BNC2: variants seen among roughly 807,000 people sequenced by gnomAD.
BNC2 encodes the protein basonuclin zinc finger protein 2.
In BNC2, 20 loss-of-function variants were observed where a neutral mutation model predicts 76.3. The ratio of observed to expected loss-of-function variants is 0.26; its 90% CI spans 0.18 to 0.38. BNC2 has a LOEUF of 0.38. Ranked by LOEUF, BNC2 falls within the 10% of genes least tolerant of loss-of-function variation. The pLI is 1.00. For synonymous variants in BNC2, 582 were observed against 514.8 expected (o/e 1.13, Z -1.77); for missense variants, 1,382 against 1,399.8 (o/e 0.99, Z 0.20).
intron 1 of BNC2, among the ~76,000 whole-genome samples, chr9:16,767,106 C>A (rs1825716008): frequency 6.6e-6 from 1 of 152,200 alleles, no homozygotes; most frequent in Admixed American, 6.5e-5. Flanking sequence ...AAAGGAGAAT[C>A]TAGGAAGATC....
At chr9:16,866,586 C>A (rs1001834969) in intron 1 of BNC2, among the ~76,000 whole-genome samples, 3 of 150,152 alleles carry the variant, frequency 2.0e-5, no homozygotes, top group Non-Finnish European at 4.4e-5. Context: ...TTCAAATCAC[C>A]TGAAAGGCAA....
At chr9:16,423,904 C>G (rs748944657) in intron 6 of BNC2, among the ~76,000 whole-genome samples, 6 of 152,082 alleles carry the variant, frequency 3.9e-5, no homozygotes, top group Admixed American at 6.5e-5. Context: ...CCCTTAAAAG[C>G]AAAAAGTTAC....
At chr9:16,468,042 T>C (rs1016232789) in intron 5 of BNC2, among the ~76,000 whole-genome samples, 35 of 129,096 alleles carry the variant, frequency 2.7e-4, no homozygotes, top group African/African-American at 9.4e-4. Context: ...TTCTTTCTCT[T>C]TTTTTTTTTT....
At chr9:16,797,740 G>A (rs530981450) in intron 1 of BNC2, among the ~76,000 whole-genome samples, 1 of 152,194 alleles carries the variant, frequency 6.6e-6, no homozygotes, top group Admixed American at 6.5e-5. Context: ...CTAGAAACCA[G>A]CAGACCTAAG....
chr9:16,631,870 A>C (rs1412573785), intron 3 of BNC2, among the ~76,000 whole-genome samples: 1 of 152,224 alleles, frequency 6.6e-6, no homozygotes, highest in Non-Finnish European at 1.5e-5. Flanking sequence ...AATGAAGCTT[A>C]AATACAAGTT....
chr9:16,479,227 G>C (rs938231664), intron 5 of BNC2, among the ~76,000 whole-genome samples: 53 of 148,786 alleles, frequency 3.6e-4, no homozygotes, highest in Non-Finnish European at 5.6e-4. Context: ...TCCAGCCTGG[G>C]CGACAGAACG....
intron 3 of BNC2, among the ~76,000 whole-genome samples, chr9:16,629,981 T>C (rs866090049): frequency 3.3e-5 from 5 of 152,216 alleles, no homozygotes; most frequent in African/African-American, 4.8e-5. Context: ...CTCTGTAGCA[T>C]TGATGCTTTG....
rs548393102 is a variant in BNC2 at position 16,413,477 on chromosome 9, G to C, written c.*5512C>G. 3 of 151,840 alleles carry C rather than the reference G, an allele frequency of 2.0e-5. No homozygotes were observed. The East Asian group carries it at 5.8e-4, about 29-fold the overall frequency. The allele number at this position is 151,840 out of a possible 1,614,324, so 9.4% of individuals were successfully genotyped here. On this transcript the variant is annotated 3_prime_UTR_variant, in exon 7 of 7. Coordinates refer to ENST00000380672, the MANE Select transcript of BNC2 (RefSeq NM_017637.6). ...TGGATTTTTCAACAAATGCCAAAAA[G>C]ACAGTATGCCGAATAACATAGTTAT...
intron 3 of BNC2, among the ~76,000 whole-genome samples, chr9:16,622,231 G>T (rs757112017): frequency 6.6e-6 from 1 of 151,846 alleles, no homozygotes; most frequent in Non-Finnish European, 1.5e-5. Flanking sequence ...TTTCATCTGC[G>T]CCCACTCTAA....
At chr9:16,701,286 T>C (rs1054853616) in intron 3 of BNC2, among the ~76,000 whole-genome samples, 7 of 152,228 alleles carry the variant, frequency 4.6e-5, no homozygotes, top group African/African-American at 1.4e-4. Context: ...TCTTTTTAAA[T>C]AGCTAGCTTA....
intron 5 of BNC2, among the ~76,000 whole-genome samples, chr9:16,531,345 C>T (rs566393518): frequency 2.7e-5 from 4 of 150,430 alleles, no homozygotes; most frequent in Non-Finnish European, 5.9e-5. Flanking sequence ...AAGAAAGCGG[C>T]GACAAGATGC....
chr9:16,592,425 G>A (rs1372522947), intron 3 of BNC2, among the ~76,000 whole-genome samples: 2 of 152,110 alleles, frequency 1.3e-5, no homozygotes, highest in Non-Finnish European at 2.9e-5. Context: ...TGAGTTGCAG[G>A]AGCCAGTCAT....
chr9:16,552,980 T>C (rs1303868751), intron 4 of BNC2, among the ~76,000 whole-genome samples: 2 of 152,220 alleles, frequency 1.3e-5, no homozygotes, highest in Non-Finnish European at 2.9e-5. Flanking sequence ...TTTAATTGGA[T>C]GTGTTTATAA....
chr9:16,638,331 T>C (rs1248119963), intron 3 of BNC2, among the ~76,000 whole-genome samples: 1 of 152,158 alleles, frequency 6.6e-6, no homozygotes, highest in Non-Finnish European at 1.5e-5. Context: ...CTAAATCAAC[T>C]CAAATGAAAT....
chr9:16,820,122 CAAAAAAAAAAA>C (rs11387388), intron 1 of BNC2, among the ~76,000 whole-genome samples: 1 of 81,788 alleles, frequency 1.2e-5, no homozygotes, highest in Non-Finnish European at 2.1e-5. Flanking sequence ...GAGACTGTCT[CAAAAAAAAAAA>C]AAAAAAAAAG....
intron 3 of BNC2, among the ~76,000 whole-genome samples, chr9:16,588,987 C>T (rs1246760547): frequency 6.6e-6 from 1 of 152,140 alleles, no homozygotes; most frequent in Non-Finnish European, 1.5e-5. Flanking sequence ...TTTAAAAATG[C>T]AAAATATGGC....
At chr9:16,706,846 G>T (rs888943363) in intron 3 of BNC2, among the ~76,000 whole-genome samples, 1 of 152,184 alleles carries the variant, frequency 6.6e-6, no homozygotes, top group Non-Finnish European at 1.5e-5. Context: ...CAAAACCTAT[G>T]TGAAACACTT....
At position 16,785,460 on chromosome 9, in the gene BNC2, T is replaced by A. The variant is rs1015306043; in HGVS notation, c.4-46975A>T. Among the ~76,000 whole-genome samples, 5 of 152,174 alleles carry A rather than the reference T, an allele frequency of 3.3e-5. No homozygotes were observed. The South Asian group carries it at 1.0e-3, about 32-fold the overall frequency. On this transcript the variant is annotated intron_variant, in intron 1 of 6. Transcript: ENST00000380672. ...CCCAGGTCGGAGTGCAGTGGCTCGTTATTGCCTAACTGCAACCTCCACCTC... is the reference window on the plus strand; with the variant it reads ...CCCAGGTCGGAGTGCAGTGGCTCGTAATTGCCTAACTGCAACCTCCACCTC...
chr9:16,756,588 T>C (rs1251419843), intron 1 of BNC2, among the ~76,000 whole-genome samples: 2 of 152,214 alleles, frequency 1.3e-5, no homozygotes, highest in Non-Finnish European at 2.9e-5. Context: ...TATCACCTTC[T>C]CACAGTGATC....
Sources: gnomAD v4.1 joint callset for allele counts (sites outside exome capture counted in the v4.1 genomes callset) on GRCh38, gnomAD v4.1.1 for gene constraint, MANE v1.5 for transcripts, NCBI Gene and HGNC (gene_info 2026-07-23, HGNC 2026-07-21) for gene names.